Variants in SLCO1B1 observed in about 807,000 individuals in gnomAD.
The protein encoded by SLCO1B1 is solute carrier organic anion transporter family member 1B1.
SLCO1B1 carries 81 observed loss-of-function variants against 70.1 expected under a neutral mutation model. The observed-to-expected ratio is 1.16, with a 90% CI of 0.97 to 1.39. SLCO1B1 has a LOEUF of 1.39. Ranked by LOEUF, SLCO1B1 falls within the 40% of genes most tolerant of loss-of-function variation. The pLI, the probability that SLCO1B1 is intolerant of heterozygous loss-of-function variation, is 0.00. For missense variants in SLCO1B1, 895 were observed against 799.6 expected, an observed-to-expected ratio of 1.12 and a Z score of -1.44; for synonymous variants, 283 against 271.5, an observed-to-expected ratio of 1.04 and a Z score of -0.42.
intron 7 of SLCO1B1, among the ~76,000 whole-genome samples, chr12:21,183,685 A>C (rs894139602): frequency 6.6e-6 from 1 of 152,220 alleles, no homozygotes; most frequent in Non-Finnish European, 1.5e-5. Flanking sequence ...CAATTCAAAA[A>C]GTAAGAATGT....
intron 7 of SLCO1B1, among the ~76,000 whole-genome samples, chr12:21,189,607 T>C (rs1476269760): frequency 6.6e-6 from 1 of 151,982 alleles, no homozygotes; most frequent in Non-Finnish European, 1.5e-5. Flanking sequence ...CCACCACACC[T>C]GGCTAATTTT....
At chr12:21,203,421 C>T (rs534848244) in intron 10 of SLCO1B1, among the ~76,000 whole-genome samples, 1 of 151,902 alleles carries the variant, frequency 6.6e-6, no homozygotes, top group Non-Finnish European at 1.5e-5. Context: ...CTGAATATAG[C>T]CAACAATTTA....
chr12:21,224,981 C>G (rs1396596863), intron 14 of SLCO1B1, 142 bp downstream of exon 14: 1 of 522,606 alleles, frequency 1.9e-6, no homozygotes, highest in Admixed American at 3.4e-5. Context: ...TGGTATCAAG[C>G]AATCTCGTAT....
chr12:21,221,009 T>A (rs10841759), intron 12 of SLCO1B1, among the ~76,000 whole-genome samples: 51,678 of 151,848 alleles, frequency 0.34, 9,131 homozygotes, highest in East Asian at 0.45. Context: ...ATTTGCCACA[T>A]AGAATAAACT....
chr12:21,225,062 G>A (rs1167777541), intron 14 of SLCO1B1, among the ~76,000 whole-genome samples: 3 of 152,062 alleles, frequency 2.0e-5, no homozygotes, highest in African/African-American at 4.8e-5. Context: ...CGAAGAAACT[G>A]TGATTCAAGG....
intron 8 of SLCO1B1, 101 bp from the exon 9 acceptor site, chr12:21,200,407 A>T: frequency 1.4e-6 from 1 of 693,020 alleles, no homozygotes; most frequent in Non-Finnish European, 2.3e-6. Context: ...TTATGTGTTT[A>T]TAGAATTTTA....
intron 12 of SLCO1B1, among the ~76,000 whole-genome samples, chr12:21,218,257 G>GT (rs1231437828): frequency 6.6e-6 from 1 of 152,132 alleles, no homozygotes; most frequent in Non-Finnish European, 1.5e-5. Context: ...AGATTGGAGA[G>GT]TTAGGAAGGG....
At chr12:21,218,570 A>G (rs1273178093) in intron 12 of SLCO1B1, among the ~76,000 whole-genome samples, 1 of 152,088 alleles carries the variant, frequency 6.6e-6, no homozygotes, top group African/African-American at 2.4e-5. Flanking sequence ...AATTATTTAT[A>G]CTAAATATGC....
At chr12:21,149,083 G>C (rs948128183) in intron 2 of SLCO1B1, among the ~76,000 whole-genome samples, 2 of 152,144 alleles carry the variant, frequency 1.3e-5, no homozygotes, top group African/African-American at 4.8e-5. Flanking sequence ...TGTATCCTGA[G>C]ACTTTGCTGA....
At chr12:21,187,051 C>G (rs970848642) in intron 7 of SLCO1B1, among the ~76,000 whole-genome samples, 6 of 152,124 alleles carry the variant, frequency 3.9e-5, no homozygotes, top group African/African-American at 1.4e-4. Context: ...ATTGAGAAAG[C>G]ATATCTGCAT....
chr12:21,195,732 C>T (rs545902818), intron 7 of SLCO1B1, among the ~76,000 whole-genome samples: 2 of 152,114 alleles, frequency 1.3e-5, no homozygotes, highest in African/African-American at 4.8e-5. Flanking sequence ...AAGCTATGGG[C>T]CAGGAGCTAT....
chr12:21,138,427 A>G (rs1940258537), intron 1 of SLCO1B1, among the ~76,000 whole-genome samples: 1 of 152,246 alleles, frequency 6.6e-6, no homozygotes, highest in African/African-American at 2.4e-5. Flanking sequence ...TTAAGAAAAA[A>G]ATATGTTCAG....
At chr12:21,152,009 A>G (rs1940476596) in intron 2 of SLCO1B1, among the ~76,000 whole-genome samples, 1 of 151,838 alleles carries the variant, frequency 6.6e-6, no homozygotes, top group Non-Finnish European at 1.5e-5. Flanking sequence ...TAGTGATTCC[A>G]TTATGTATAT....
At chr12:21,183,558 A>G (rs1469208543) in intron 7 of SLCO1B1, among the ~76,000 whole-genome samples, 1 of 152,200 alleles carries the variant, frequency 6.6e-6, no homozygotes. Context: ...AGCTATAAAT[A>G]AAAATATTGT....
intron 7 of SLCO1B1, among the ~76,000 whole-genome samples, chr12:21,193,216 G>T (rs753488249): frequency 6.6e-6 from 1 of 152,048 alleles, no homozygotes; most frequent in Non-Finnish European, 1.5e-5. Context: ...CGTTCAATTG[G>T]TCTATAATGT....
intron 2 of SLCO1B1, among the ~76,000 whole-genome samples, chr12:21,170,267 G>A (rs1184298682): frequency 3.3e-5 from 5 of 152,164 alleles, no homozygotes; most frequent in African/African-American, 7.2e-5. Context: ...GAGTGAGAAA[G>A]ACTCTAGTGA....
intron 14 of SLCO1B1, among the ~76,000 whole-genome samples, chr12:21,225,527 T>C (rs1398635201): frequency 2.0e-5 from 3 of 152,166 alleles, no homozygotes; most frequent in Non-Finnish European, 4.4e-5. Context: ...TTCAATTATC[T>C]ACGAAGCAGA....
intron 13 of SLCO1B1, among the ~76,000 whole-genome samples, chr12:21,224,430 TC>T (rs1415800457): frequency 6.6e-6 from 1 of 152,110 alleles, no homozygotes; most frequent in East Asian, 1.9e-4. Context: ...AACAACATTC[TC>T]CTTTTTACCA....
chr12:21,238,017 A>T lies in SLCO1B1; in HGVS notation c.1866-962A>T, dbSNP rs141135872. The stretch of plus-strand genomic sequence containing the variant: ...CATGATCCACTGCACCTGGCCAGTA[A>T]TTATTTTTTAAAAATGTTTCTTTTG... On this transcript the variant is annotated intron_variant, in intron 14 of 14. Transcript: ENST00000256958. 8.6e-3 allele frequency among the ~76,000 whole-genome samples: 1,312 copies of T among 152,168 alleles called. 16 individuals carry two copies. The highest frequency in any genetic ancestry group is 0.028 in the African/African-American group (1,180 of 41,528).
Sources: gnomAD v4.1 joint callset for allele counts (sites outside exome capture counted in the v4.1 genomes callset) on GRCh38, gnomAD v4.1.1 for gene constraint, MANE v1.5 for transcripts, NCBI Gene and HGNC (gene_info 2026-07-23, HGNC 2026-07-21) for gene names.